Variants in GLIS1 observed in about 807,000 individuals in gnomAD.
GLIS1 encodes the protein GLIS family zinc finger 1.
GLIS1 carries 24 observed loss-of-function variants against 63.8 expected under a neutral mutation model. The ratio of observed to expected loss-of-function variants is 0.38; its 90% CI spans 0.27 to 0.53. The LOEUF (loss-of-function observed/expected upper bound fraction) is 0.53, where lower values mean the gene tolerates loss of function less well. Among genes scored for constraint, GLIS1 ranks in the 20% least tolerant of loss-of-function variants. The pLI is 0.85. For missense variants in GLIS1, 1,036 were observed against 1,074.1 expected, an observed-to-expected ratio of 0.96 and a Z score of 0.50; for synonymous variants, 450 against 482.5, an observed-to-expected ratio of 0.93 and a Z score of 0.88.
At chr1:53,682,338 T>A (rs1456986395) in intron 2 of GLIS1, among the ~76,000 whole-genome samples, 4 of 152,226 alleles carry the variant, frequency 2.6e-5, no homozygotes, top group Non-Finnish European at 5.9e-5. Flanking sequence ...GGATGAAAGG[T>A]GCATCAGGCA....
At chr1:53,603,874 T>A (rs1645343466) in intron 2 of GLIS1, among the ~76,000 whole-genome samples, 1 of 152,270 alleles carries the variant, frequency 6.6e-6, no homozygotes, top group South Asian at 2.1e-4. Context: ...GAGTTGGGAC[T>A]GGCTGACCAT....
At chr1:53,693,534 CCCAG>C (rs1646430724) in intron 2 of GLIS1, among the ~76,000 whole-genome samples, 1 of 152,196 alleles carries the variant, frequency 6.6e-6, no homozygotes, top group African/African-American at 2.4e-5. Flanking sequence ...CCCACAGCAC[CCCAG>C]CCAGAGCTGC....
At chr1:53,558,272 C>A (rs1210871638) in intron 4 of GLIS1, among the ~76,000 whole-genome samples, 1 of 152,232 alleles carries the variant, frequency 6.6e-6, no homozygotes, top group East Asian at 1.9e-4. Context: ...AAGGGTCATG[C>A]TGAGAGTCAG....
chr1:53,652,108 C>T (rs182292594), intron 2 of GLIS1, among the ~76,000 whole-genome samples: 187 of 152,314 alleles, frequency 1.2e-3, no homozygotes, highest in Non-Finnish European at 2.0e-3. Flanking sequence ...GTTTAAATCT[C>T]AGATATGCAC....
chr1:53,530,533 G>A (rs771391334), intron 4 of GLIS1, among the ~76,000 whole-genome samples: 1 of 152,212 alleles, frequency 6.6e-6, no homozygotes, highest in Non-Finnish European at 1.5e-5. Context: ...GCTAACTGCT[G>A]TCAAAACAAG....
intron 4 of GLIS1, among the ~76,000 whole-genome samples, chr1:53,549,875 C>T (rs936182145): frequency 6.6e-6 from 1 of 152,158 alleles, no homozygotes; most frequent in Non-Finnish European, 1.5e-5. Context: ...AACAGAGTCA[C>T]AGAGCAGCAC....
chr1:53,553,593 C>CT (rs1175278684), intron 4 of GLIS1, among the ~76,000 whole-genome samples: 1 of 152,182 alleles, frequency 6.6e-6, no homozygotes, highest in Non-Finnish European at 1.5e-5. Flanking sequence ...GTCAGACCGT[C>CT]TAAGTGCAAT....
intron 2 of GLIS1, among the ~76,000 whole-genome samples, chr1:53,705,286 G>T (rs1326940434): frequency 6.6e-6 from 1 of 152,164 alleles, no homozygotes; most frequent in Admixed American, 6.5e-5. Context: ...CAGCCAGAGG[G>T]TAACTTCAAG....
chr1:53,520,486 G>T, intron 7 of GLIS1, 148 bp downstream of exon 7: 1 of 858,072 alleles, frequency 1.2e-6, no homozygotes, highest in African/African-American at 1.7e-5. Context: ...GGGAACCAGA[G>T]GCAGAGGCAA....
intron 2 of GLIS1, among the ~76,000 whole-genome samples, chr1:53,657,536 T>C (rs573633247): frequency 1.3e-5 from 2 of 152,292 alleles, no homozygotes; most frequent in South Asian, 4.1e-4. Flanking sequence ...GACTGGCAGC[T>C]TCCCTCTTGG....
intron 2 of GLIS1, among the ~76,000 whole-genome samples, chr1:53,681,274 T>C (rs1646272167): frequency 6.6e-6 from 1 of 152,260 alleles, no homozygotes; most frequent in African/African-American, 2.4e-5. Flanking sequence ...TCTCCAGGGC[T>C]GCTCATCAGA....
At chr1:53,696,140 C>T (rs1168304872) in intron 2 of GLIS1, among the ~76,000 whole-genome samples, 1 of 152,346 alleles carries the variant, frequency 6.6e-6, no homozygotes, top group East Asian at 1.9e-4. Context: ...CTGGCGAGCT[C>T]CAAGCGGTTA....
At position 53,520,755 on chromosome 1, in the gene GLIS1, G is replaced by A. The variant is rs141988699; in HGVS notation, c.1605C>T (p.Gly535=). The stretch of plus-strand genomic sequence containing the variant: ...TCAGGACGTCGGCCTCGGTGTCAGG[G>A]CCCGCATGCAGCTGGGGAGCAAGCA... The part of the protein sequence containing the change: ...EQQVRKKLHA[G]PDTEADVLTE... Residue 535 remains glycine, a synonymous_variant, in exon 7 of 11, where the codon GGC becomes GGT. Transcript: ENST00000628545. 6.2e-7 allele frequency: 1 copy of A among 1,606,152 alleles called. No homozygotes were observed. The highest frequency in any genetic ancestry group is 8.5e-7 in the Non-Finnish European group (1 of 1,176,382).
intron 2 of GLIS1, among the ~76,000 whole-genome samples, chr1:53,636,243 C>T (rs1459012243): frequency 2.0e-5 from 3 of 152,130 alleles, no homozygotes; most frequent in East Asian, 3.8e-4. Flanking sequence ...AGGAAAAATA[C>T]ATCATGACCA....
At chr1:53,572,822 G>A (rs1644996323) in intron 4 of GLIS1, among the ~76,000 whole-genome samples, 1 of 152,216 alleles carries the variant, frequency 6.6e-6, no homozygotes, top group African/African-American at 2.4e-5. Context: ...AGGGAGGAGG[G>A]TCAGTGGCCC....
chr1:53,723,287 G>C (rs1279207976), intron 2 of GLIS1, among the ~76,000 whole-genome samples: 1 of 149,096 alleles, frequency 6.7e-6, no homozygotes, highest in Non-Finnish European at 1.5e-5. Flanking sequence ...CCAGGCTGGA[G>C]TGCAGCAGCT....
At chr1:53,632,187 GA>G (rs1163306743) in intron 2 of GLIS1, among the ~76,000 whole-genome samples, 1 of 147,918 alleles carries the variant, frequency 6.8e-6, no homozygotes, top group Non-Finnish European at 1.5e-5. Flanking sequence ...GTGAATGAGT[GA>G]CTGAGGGGGC....
intron 2 of GLIS1, among the ~76,000 whole-genome samples, chr1:53,677,750 T>C (rs7543166): frequency 0.32 from 49,097 of 152,100 alleles, 8,964 homozygotes; most frequent in African/African-American, 0.51. Context: ...GGATCTGCCG[T>C]GCCTCCTCAC....
At chr1:53,712,065 A>C (rs1404198448) in intron 2 of GLIS1, among the ~76,000 whole-genome samples, 1 of 152,162 alleles carries the variant, frequency 6.6e-6, no homozygotes, top group African/African-American at 2.4e-5. Context: ...TTTCTGGCCC[A>C]TTCTGGCCAC....
Sources: gnomAD v4.1 joint callset for allele counts (sites outside exome capture counted in the v4.1 genomes callset) on GRCh38, gnomAD v4.1.1 for gene constraint, MANE v1.5 for transcripts, NCBI Gene and HGNC (gene_info 2026-07-23, HGNC 2026-07-21) for gene names.